Variants in LARGE1 observed in about 807,000 individuals in gnomAD.
LARGE1 encodes LARGE xylosyl- and glucuronyltransferase 1.
Under a neutral mutation model 87.6 loss-of-function variants are expected in LARGE1, and 43 were observed. The observed-to-expected ratio is 0.49, with a 90% CI of 0.38 to 0.63. The LOEUF (loss-of-function observed/expected upper bound fraction) is 0.63, where lower values mean the gene tolerates loss of function less well. LARGE1 is among the 30% of genes least tolerant of loss of function. The pLI, the probability that LARGE1 is intolerant of heterozygous loss-of-function variation, is 0.00. For synonymous variants in LARGE1, 434 were observed against 394.6 expected, an observed-to-expected ratio of 1.10 and a Z score of -1.18; for missense variants, 802 against 1,000.2, an observed-to-expected ratio of 0.80 and a Z score of 2.67.
At chr22:33,318,234 CA>C (rs10635054) in intron 10 of LARGE1, among the ~76,000 whole-genome samples, 174 of 114,062 alleles carry the variant, frequency 1.5e-3, no homozygotes, top group Admixed American at 1.8e-3. Flanking sequence ...GACTCCATCT[CA>C]AAAAAAAAAA....
chr22:33,641,010 C>T (rs2080412953), intron 3 of LARGE1, among the ~76,000 whole-genome samples: 1 of 152,208 alleles, frequency 6.6e-6, no homozygotes, highest in Non-Finnish European at 1.5e-5. Flanking sequence ...TTAAACATTC[C>T]TGCCTGCTGG....
intron 9 of LARGE1, among the ~76,000 whole-genome samples, chr22:33,342,226 T>C (rs1397051225): frequency 1.3e-5 from 2 of 152,170 alleles, no homozygotes; most frequent in Non-Finnish European, 2.9e-5. Context: ...GCTTGCCAAG[T>C]GCTGAGCCAG....
intron 1 of LARGE1, among the ~76,000 whole-genome samples, chr22:33,816,992 CGGGGTGGA>C (rs1406127451): frequency 6.6e-6 from 1 of 152,044 alleles, no homozygotes; most frequent in African/African-American, 2.4e-5. Flanking sequence ...CCTGGGAAGT[CGGGGTGGA>C]GGGGTGCATG....
chr22:33,526,233 GA>G (rs577550902), intron 6 of LARGE1, among the ~76,000 whole-genome samples: 50 of 152,124 alleles, frequency 3.3e-4, no homozygotes, highest in African/African-American at 1.1e-3. Flanking sequence ...ATATTTATAT[GA>G]AAAAAAATTC....
chr22:33,790,473 T>G (rs1467248152), intron 1 of LARGE1, among the ~76,000 whole-genome samples: 1 of 152,052 alleles, frequency 6.6e-6, no homozygotes, highest in Non-Finnish European at 1.5e-5. Context: ...TTAAACCAAT[T>G]TTTTTTTCTT....
chr22:33,170,317 C>T (rs137345), intron 11 of LARGE1, among the ~76,000 whole-genome samples: 64,262 of 151,668 alleles, frequency 0.42, 13,938 homozygotes, highest in Middle Eastern at 0.47. Context: ...TATAGTGAGC[C>T]GAGATCATGC....
chr22:33,320,346 C>G (rs572483080), intron 10 of LARGE1, among the ~76,000 whole-genome samples: 2 of 152,292 alleles, frequency 1.3e-5, no homozygotes, highest in South Asian at 2.1e-4. Context: ...ACCTAAAAAA[C>G]CTTCCATTTA....
At chr22:33,897,477 T>G (rs1447597223) in intron 1 of LARGE1, among the ~76,000 whole-genome samples, 3 of 152,130 alleles carry the variant, frequency 2.0e-5, no homozygotes, top group Admixed American at 6.5e-5. Flanking sequence ...GAGAGCCACC[T>G]AGTAAGGCTG....
chr22:33,487,306 TG>T (rs1324827292), intron 6 of LARGE1, among the ~76,000 whole-genome samples: 1 of 152,234 alleles, frequency 6.6e-6, no homozygotes, highest in Non-Finnish European at 1.5e-5. Context: ...CATCAGGAGT[TG>T]GAAAGCTGCT....
In LARGE1 at chr22:33,449,473, A is replaced by G. The variant is rs118029748; in HGVS notation, c.788-17208T>C. 2.2e-3 allele frequency among the ~76,000 whole-genome samples: 332 copies of G among 152,334 alleles called. 1 individual carries two copies. Among genetic ancestry groups the G allele is most frequent in the Admixed American group, 5.8e-3 (88 of 15,298 alleles). On this transcript the variant is annotated intron_variant, in intron 6 of 14. Coordinates refer to ENST00000397394, the MANE Select transcript of LARGE1 (RefSeq NM_133642.5). ...CACAGGTGTGGGTTTTAGATTATCA[A>G]TGTAGCAGAATTTTCTAGATCTAAA...
In LARGE1 at chr22:33,474,919, C is replaced by T. The variant is rs8136515; in HGVS notation, c.788-42654G>A. ...GCAATTTTGTTCAGGGGATAACTGG[C>T]TGAAAAGAAGAGAGCTGAAGTGAGA... On this transcript the variant is annotated intron_variant, in intron 6 of 14. Coordinates refer to ENST00000397394, the MANE Select transcript of LARGE1 (RefSeq NM_133642.5). Among the ~76,000 whole-genome samples, 810 of 152,220 alleles carry T rather than the reference C, an allele frequency of 5.3e-3. 6 individuals are homozygous for T. Among genetic ancestry groups the T allele is most frequent in the African/African-American group, 0.018 (731 of 41,544 alleles).
chr22:33,305,031 T>C (rs1165343635), intron 11 of LARGE1, among the ~76,000 whole-genome samples: 1 of 152,182 alleles, frequency 6.6e-6, no homozygotes. Flanking sequence ...TCAATAACCT[T>C]GAGCACTAGC....
At chr22:33,599,025 T>C (rs1361394252) in intron 5 of LARGE1, among the ~76,000 whole-genome samples, 1 of 152,164 alleles carries the variant, frequency 6.6e-6, no homozygotes, top group Non-Finnish European at 1.5e-5. Flanking sequence ...TCCAAAGCCA[T>C]GGAAAAGAGG....
chr22:33,431,320 C>G (rs535740556), intron 7 of LARGE1, among the ~76,000 whole-genome samples: 1 of 152,010 alleles, frequency 6.6e-6, no homozygotes, highest in Non-Finnish European at 1.5e-5. Context: ...AGCTGGTGAA[C>G]AAGAAGGGTT....
At chr22:33,156,520 A>G in the LARGE1 span, among the ~76,000 whole-genome samples, 1 of 152,058 alleles carries the variant, frequency 6.6e-6, no homozygotes, top group African/African-American at 2.4e-5. Context: ...TTTGTTTTGG[A>G]CAATTTCTCC....
chr22:33,891,466 G>T (rs1389276845), intron 1 of LARGE1, among the ~76,000 whole-genome samples: 1 of 151,082 alleles, frequency 6.6e-6, no homozygotes, highest in Non-Finnish European at 1.5e-5. Context: ...GTATTGAGAG[G>T]ATGCCATTCT....
rs372058400 is a variant in LARGE1, at chr22:33,647,037, T to G, written c.408+3330A>C. Among the ~76,000 whole-genome samples the G allele has an allele frequency of 9.8e-5, 15 of 152,372 alleles. 1 individual carries two copies. The highest frequency in any genetic ancestry group is 3.6e-4 in the African/African-American group (15 of 41,594). ...AGCCACTGTGTCCAGCCTAAAGCAG[T>G]GGTTTCCAAACAATCTCTCCTATCT... On this transcript the variant is annotated intron_variant, in intron 3 of 14. Transcript: ENST00000397394.
At chr22:33,848,518 C>T (rs999205915) in intron 1 of LARGE1, among the ~76,000 whole-genome samples, 2 of 152,148 alleles carry the variant, frequency 1.3e-5, no homozygotes, top group African/African-American at 4.8e-5. Flanking sequence ...CCTGTCCCCA[C>T]ACCAGGAGCC....
intron 3 of LARGE1, among the ~76,000 whole-genome samples, chr22:33,637,221 C>T (rs2080293498): frequency 2.0e-5 from 3 of 152,178 alleles, no homozygotes; most frequent in African/African-American, 7.2e-5. Context: ...ATCATCTGGG[C>T]TGTGGCTGCA....
Sources: allele counts gnomAD v4.1 joint callset (sites outside exome capture counted in the v4.1 genomes callset), GRCh38; gene constraint gnomAD v4.1.1; transcripts MANE v1.5; gene names NCBI Gene and HGNC (gene_info 2026-07-23, HGNC 2026-07-21).